Variants in COX7B2 observed in about 807,000 individuals in gnomAD.
The protein encoded by COX7B2 is cytochrome c oxidase subunit 7B2, mitochondrial.
For missense variants in COX7B2, 109 were observed against 95.9 expected, an observed-to-expected ratio of 1.14 and a Z score of -0.57; for synonymous variants, 37 against 32.1, an observed-to-expected ratio of 1.15 and a Z score of -0.51.
intron 2 of COX7B2, among the ~76,000 whole-genome samples, chr4:46,768,198 T>C (rs751698585): frequency 7.9e-5 from 12 of 152,188 alleles, no homozygotes; most frequent in Non-Finnish European, 1.3e-4. Flanking sequence ...TGAGGTCACA[T>C]GGACTTGAAG....
At chr4:46,772,699 G>C (rs1716943172) in intron 2 of COX7B2, among the ~76,000 whole-genome samples, 1 of 151,854 alleles carries the variant, frequency 6.6e-6, no homozygotes, top group Non-Finnish European at 1.5e-5. Flanking sequence ...TCTAGTACCT[G>C]ATTCTCATCT....
At chr4:46,800,550 T>A (rs1026281695) in intron 2 of COX7B2, among the ~76,000 whole-genome samples, 3 of 152,160 alleles carry the variant, frequency 2.0e-5, no homozygotes, top group Non-Finnish European at 2.9e-5. Flanking sequence ...TGGCTAGCCA[T>A]ATGCAGAAGA....
intron 2 of COX7B2, among the ~76,000 whole-genome samples, chr4:46,798,685 C>T (rs763059981): frequency 7.9e-5 from 12 of 152,232 alleles, no homozygotes; most frequent in South Asian, 2.1e-4. Flanking sequence ...AGTTCCCATG[C>T]GACCTGAGTT....
intron 2 of COX7B2, among the ~76,000 whole-genome samples, chr4:46,743,483 T>G (rs1483134230): frequency 5.9e-5 from 9 of 152,234 alleles, no homozygotes; most frequent in Non-Finnish European, 5.9e-5. Context: ...AAATACATAG[T>G]CTCTTAGCTT....
rs149386305 is a variant in COX7B2 at position 46,750,426 on chromosome 4, C to A, written c.-49-15185G>T. Among the ~76,000 whole-genome samples, 833 of 151,918 alleles carry A rather than the reference C, an allele frequency of 5.5e-3. 6 individuals are homozygous for A. Among genetic ancestry groups the A allele is most frequent in the Non-Finnish European group, 8.8e-3 (597 of 67,928 alleles). The stretch of plus-strand genomic sequence containing the variant: ...AACAAAAACAAATAAATGAGAATTT[C>A]TTTTATTATAAGGACATGTATATAT... On this transcript the variant is annotated intron_variant, in intron 2 of 2. Coordinates refer to ENST00000355591, the MANE Select transcript of COX7B2 (RefSeq NM_130902.3).
At chr4:46,837,901 A>G (rs1034492024) in intron 2 of COX7B2, among the ~76,000 whole-genome samples, 12 of 152,074 alleles carry the variant, frequency 7.9e-5, no homozygotes, top group Admixed American at 7.9e-4. Flanking sequence ...GAAGAAAGAT[A>G]CAAAAGGTCA....
At chr4:46,875,892 AT>A (rs999540865) in intron 1 of COX7B2, among the ~76,000 whole-genome samples, 1 of 151,986 alleles carries the variant, frequency 6.6e-6, no homozygotes, top group Non-Finnish European at 1.5e-5. Context: ...TATAAATTCT[AT>A]TAAAATTTCA....
At chr4:46,809,535 G>T (rs1339343028) in intron 2 of COX7B2, among the ~76,000 whole-genome samples, 2 of 151,400 alleles carry the variant, frequency 1.3e-5, no homozygotes, top group Admixed American at 6.6e-5. Flanking sequence ...TCAATCCATT[G>T]GTTGTTCAGG....
chr4:46,882,344 T>A (rs1718801736), intron 1 of COX7B2, among the ~76,000 whole-genome samples: 1 of 152,196 alleles, frequency 6.6e-6, no homozygotes, highest in South Asian at 2.1e-4. Context: ...GTCCTGAATC[T>A]TTGTTAATTT....
intron 2 of COX7B2, among the ~76,000 whole-genome samples, chr4:46,801,164 A>G (rs1286766257): frequency 1.3e-5 from 2 of 152,170 alleles, no homozygotes; most frequent in Non-Finnish European, 2.9e-5. Flanking sequence ...TTCAGCCACT[A>G]TGGAAAGCAG....
intron 2 of COX7B2, among the ~76,000 whole-genome samples, chr4:46,792,293 T>C (rs1327771416): frequency 6.6e-6 from 1 of 152,222 alleles, no homozygotes; most frequent in Non-Finnish European, 1.5e-5. Context: ...TGTATCAGTG[T>C]GACTCGGCAA....
chr4:46,748,833 A>G (rs1715178096), intron 2 of COX7B2, among the ~76,000 whole-genome samples: 1 of 152,022 alleles, frequency 6.6e-6, no homozygotes, highest in African/African-American at 2.4e-5. Context: ...GTTCTCATCT[A>G]TTTTTGCTTT....
intron 2 of COX7B2, among the ~76,000 whole-genome samples, chr4:46,784,865 C>A (rs1298985096): frequency 6.6e-6 from 1 of 152,166 alleles, no homozygotes; most frequent in Non-Finnish European, 1.5e-5. Flanking sequence ...TACTAAATAT[C>A]ATCACATATT....
intron 2 of COX7B2, among the ~76,000 whole-genome samples, chr4:46,746,727 C>G (rs1237288061): frequency 6.6e-6 from 1 of 152,140 alleles, no homozygotes; most frequent in East Asian, 1.9e-4. Context: ...TCTTTTTAAG[C>G]AACTTGTTTC....
chr4:46,813,066 C>T (rs1719368632), intron 2 of COX7B2, among the ~76,000 whole-genome samples: 1 of 152,160 alleles, frequency 6.6e-6, no homozygotes, highest in East Asian at 1.9e-4. Flanking sequence ...CAGGGCAGGG[C>T]ACCACTTCAG....
chr4:46,744,000 G>A (rs1426000706), intron 2 of COX7B2, among the ~76,000 whole-genome samples: 1 of 152,112 alleles, frequency 6.6e-6, no homozygotes, highest in Admixed American at 6.6e-5. Flanking sequence ...ACACTCATAA[G>A]AGCAATGAAC....
At chr4:46,800,016 A>C (rs1488941364) in intron 2 of COX7B2, among the ~76,000 whole-genome samples, 1 of 152,086 alleles carries the variant, frequency 6.6e-6, no homozygotes, top group African/African-American at 2.4e-5. Context: ...TTACTGATTA[A>C]ATTTCAGAAC....
At chr4:46,826,569 A>G (rs1207353959) in intron 2 of COX7B2, among the ~76,000 whole-genome samples, 1 of 152,164 alleles carries the variant, frequency 6.6e-6, no homozygotes, top group Non-Finnish European at 1.5e-5. Context: ...GCGAATGTTC[A>G]TTGTAGCACT....
intron 2 of COX7B2, among the ~76,000 whole-genome samples, chr4:46,758,176 TAA>T (rs201750035): frequency 0.013 from 2,026 of 152,134 alleles, 41 homozygotes; most frequent in African/African-American, 0.047. Flanking sequence ...CATTGTTCTA[TAA>T]ACACTGAGGC....
Sources: allele counts gnomAD v4.1 joint callset (sites outside exome capture counted in the v4.1 genomes callset), GRCh38; gene constraint gnomAD v4.1.1; transcripts MANE v1.5; gene names NCBI Gene and HGNC (gene_info 2026-07-23, HGNC 2026-07-21).